The following ZFAND3 variants were observed in gnomAD, a reference collection of about 807,000 sequenced individuals.
The protein encoded by ZFAND3 is AN1-type zinc finger protein 3.
A neutral mutation model predicts 29.6 loss-of-function variants in ZFAND3; 10 were observed. The observed-to-expected ratio is 0.34, with a 90% CI of 0.21 to 0.57. ZFAND3 has a LOEUF of 0.57. Among genes scored for constraint, ZFAND3 ranks in the 20% least tolerant of loss-of-function variants. ZFAND3 has a pLI of 0.86. For synonymous variants in ZFAND3, 128 were observed against 112.6 expected (o/e 1.14, Z -0.87); for missense variants, 230 against 304.5 (o/e 0.76, Z 1.82).
intron 2 of ZFAND3, among the ~76,000 whole-genome samples, chr6:37,992,828 G>T (rs1406242966): frequency 6.6e-6 from 1 of 151,584 alleles, no homozygotes; most frequent in Non-Finnish European, 1.5e-5. Flanking sequence ...TTGTTTTTTT[G>T]TTTTTCCTGT....
intron 4 of ZFAND3, among the ~76,000 whole-genome samples, chr6:38,090,589 A>G (rs1445337049): frequency 6.6e-6 from 1 of 152,136 alleles, no homozygotes; most frequent in African/African-American, 2.4e-5. Flanking sequence ...GTTCTCACCA[A>G]AGTTTATCAT....
chr6:38,060,944 A>AT (rs1764225770), intron 2 of ZFAND3, among the ~76,000 whole-genome samples: 1 of 152,000 alleles, frequency 6.6e-6, no homozygotes. Flanking sequence ...TGAATATTGT[A>AT]TTTTTGATCT....
At chr6:38,077,882 G>A (rs779076901) in intron 3 of ZFAND3, among the ~76,000 whole-genome samples, 4 of 152,208 alleles carry the variant, frequency 2.6e-5, no homozygotes, top group Non-Finnish European at 4.4e-5. Context: ...TCAACTAGCC[G>A]ATGGGATTGA....
intron 2 of ZFAND3, among the ~76,000 whole-genome samples, chr6:37,973,177 A>G (rs1363960201): frequency 6.6e-6 from 1 of 152,194 alleles, no homozygotes; most frequent in East Asian, 1.9e-4. Context: ...GGGCAGAACA[A>G]CTTTGAGTCC....
chr6:38,078,697 A>AT (rs1445896722), intron 3 of ZFAND3, among the ~76,000 whole-genome samples: 7 of 152,168 alleles, frequency 4.6e-5, no homozygotes, highest in African/African-American at 1.7e-4. Flanking sequence ...AAATACATCT[A>AT]TTGTCCCAAC....
chr6:38,077,076 C>G (rs1764568410), intron 3 of ZFAND3, among the ~76,000 whole-genome samples: 1 of 150,386 alleles, frequency 6.6e-6, no homozygotes, highest in African/African-American at 2.4e-5. Flanking sequence ...CAGTTTGTTT[C>G]ACTATCTCCA....
Position 37,916,087 on chromosome 6 carries a change from TAA to T in ZFAND3, c.72-13857_72-13856del, listed in dbSNP as rs34769590. ...CCCGGCTGCTGTGTTTTTTTTAACT[TAA>T]AAAAAAAAAAAAAAGTTTGCTGGCT... On this transcript the variant is annotated intron_variant, in intron 1 of 5. Transcript: ENST00000287218. Among the ~76,000 whole-genome samples the T allele has an allele frequency of 0.027, 3,816 of 142,334 alleles. 265 individuals are homozygous for T. The East Asian group carries it at 0.29, about 11-fold the overall frequency. The allele number at this position is 142,334 out of a possible 152,430, so 93.4% of individuals were successfully genotyped here.
chr6:37,858,860 G>C (rs918495371), intron 1 of ZFAND3, among the ~76,000 whole-genome samples: 1 of 152,204 alleles, frequency 6.6e-6, no homozygotes, highest in African/African-American at 2.4e-5. Context: ...ATAGTGCTCT[G>C]CTGCAAACAC....
chr6:37,882,666 T>G (rs1581731997), intron 1 of ZFAND3, among the ~76,000 whole-genome samples: 1 of 119,574 alleles, frequency 8.4e-6, no homozygotes, highest in African/African-American at 3.3e-5. Context: ...CCTTCCACCC[T>G]TTTGGATATT....
Position 38,059,308 on chromosome 6 carries a change from CTTAACATA to C in ZFAND3, c.113-2282_113-2275del, listed in dbSNP as rs201971442. Among the ~76,000 whole-genome samples, 166 of 152,200 alleles carry C rather than the reference CTTAACATA, an allele frequency of 1.1e-3. 1 individual carries two copies. The East Asian group carries it at 0.028, about 26-fold the overall frequency. ...GTATCCATAAACAATATGCGGTATT[CTTAACATA>C]TTTTAAATTTTTATATAAGTATTAT... On this transcript the variant is annotated intron_variant, in intron 2 of 5. Transcript: ENST00000287218.
chr6:37,917,086 C>T (rs1187730299), intron 1 of ZFAND3, among the ~76,000 whole-genome samples: 4 of 152,270 alleles, frequency 2.6e-5, no homozygotes, highest in African/African-American at 9.6e-5. Flanking sequence ...TGTTGTTAAT[C>T]TTTTACTGTG....
At chr6:37,940,254 A>G (rs561620978) in intron 2 of ZFAND3, among the ~76,000 whole-genome samples, 9 of 152,300 alleles carry the variant, frequency 5.9e-5, no homozygotes, top group Admixed American at 5.2e-4. Context: ...ACCAAGTTTC[A>G]GATACTTAGC....
intron 2 of ZFAND3, among the ~76,000 whole-genome samples, chr6:38,024,586 G>A (rs1189456851): frequency 6.6e-6 from 1 of 152,132 alleles, no homozygotes; most frequent in Non-Finnish European, 1.5e-5. Context: ...TTAAATAAAT[G>A]GTGGTATATC....
intron 1 of ZFAND3, among the ~76,000 whole-genome samples, chr6:37,875,586 G>A (rs545188814): frequency 9.3e-5 from 14 of 150,870 alleles, no homozygotes; most frequent in African/African-American, 2.9e-4. Context: ...GATTTTCTTC[G>A]TTGTCATCTA....
rs570135371 is a variant in ZFAND3 at position 38,148,586 on chromosome 6, C to T, written c.530-3649C>T. Among the ~76,000 whole-genome samples, 14 of 152,320 alleles carry T rather than the reference C, an allele frequency of 9.2e-5. No homozygotes were observed. The South Asian group carries it at 2.5e-3, about 27-fold the overall frequency. On this transcript the variant is annotated intron_variant, in intron 5 of 5. Coordinates refer to ENST00000287218, the MANE Select transcript of ZFAND3 (RefSeq NM_021943.3). ...ATAATCTTCTGTAGCAGCCTGGACTCATCTCTCTCCTTACCCAGCTTGGAT... is the reference window on the plus strand; with the variant it reads ...ATAATCTTCTGTAGCAGCCTGGACTTATCTCTCTCCTTACCCAGCTTGGAT...
At chr6:38,074,302 T>C (rs1764512294) in intron 3 of ZFAND3, among the ~76,000 whole-genome samples, 1 of 152,244 alleles carries the variant, frequency 6.6e-6, no homozygotes, top group Non-Finnish European at 1.5e-5. Context: ...TTTTTTAAGT[T>C]GCAGTTATTT....
intron 1 of ZFAND3, among the ~76,000 whole-genome samples, chr6:37,834,742 CATT>C (rs200345842): frequency 1.1e-4 from 16 of 144,728 alleles, no homozygotes; most frequent in African/African-American, 2.6e-4. Flanking sequence ...ATGCATATAT[CATT>C]ATGCATATAT....
chr6:37,839,701 G>C (rs146886597), intron 1 of ZFAND3, among the ~76,000 whole-genome samples: 1 of 151,332 alleles, frequency 6.6e-6, no homozygotes, highest in Non-Finnish European at 1.5e-5. Flanking sequence ...TTTTAGTAGA[G>C]ACGGGGTGTC....
At chr6:37,821,268 A>G (rs1249696315) in intron 1 of ZFAND3, among the ~76,000 whole-genome samples, 1 of 152,210 alleles carries the variant, frequency 6.6e-6, no homozygotes, top group Non-Finnish European at 1.5e-5. Context: ...ATGACAAAGA[A>G]GTGGATTTTC....
Sources: gnomAD v4.1 joint callset for allele counts (sites outside exome capture counted in the v4.1 genomes callset) on GRCh38, gnomAD v4.1.1 for gene constraint, MANE v1.5 for transcripts, NCBI Gene and HGNC (gene_info 2026-07-23, HGNC 2026-07-21) for gene names.